Variants in NRXN1 observed in about 807,000 individuals in gnomAD.
NRXN1 encodes neurexin 1.
NRXN1 carries 39 observed loss-of-function variants against 150.9 expected under a neutral mutation model. That is an observed-to-expected ratio of 0.26 (90% CI 0.20 to 0.34). NRXN1 has a LOEUF of 0.34. NRXN1 is among the 10% of genes least tolerant of loss of function. The pLI, the probability that NRXN1 is intolerant of heterozygous loss-of-function variation, is 1.00. For synonymous variants in NRXN1, 924 were observed against 757.0 expected (o/e 1.22, Z -3.62); for missense variants, 1,815 against 1,949.9 (o/e 0.93, Z 1.30).
chr2:50,288,876 G>C (rs1164076341), intron 17 of NRXN1, among the ~76,000 whole-genome samples: 1 of 152,124 alleles, frequency 6.6e-6, no homozygotes, highest in Non-Finnish European at 1.5e-5. Context: ...CTAACTAGAA[G>C]AGATAGCTCC....
intron 18 of NRXN1, among the ~76,000 whole-genome samples, chr2:50,093,458 A>T (rs71407582): frequency 0.24 from 19,066 of 78,694 alleles, 1,442 homozygotes; most frequent in East Asian, 0.3. Context: ...CTTTACTATT[A>T]AAAAAAAAGA....
chr2:50,818,249 A>C (rs1320728760), intron 5 of NRXN1, among the ~76,000 whole-genome samples: 2 of 151,400 alleles, frequency 1.3e-5, no homozygotes, highest in Non-Finnish European at 2.9e-5. Context: ...ATTGCATTGA[A>C]TCTGCTGATT....
In NRXN1 at chr2:49,922,280, A is replaced by G. The variant is rs200696426; in HGVS notation, c.4217-29T>C. 20 of 1,596,416 alleles carry G rather than the reference A, an allele frequency of 1.3e-5. No individual in the cohort carries two copies. In the African/African-American group the frequency reaches 2.4e-4, roughly 19 times the overall value. On this transcript the variant is annotated intron_variant, in intron 22 of 22. Coordinates refer to ENST00000401669, the MANE Select transcript of NRXN1 (RefSeq NM_001330078.2). ...TAGAAAAGAGGATGAGAACAAACAC[A>G]AAGTGATCATTGAGTTCACTGAATA...
chr2:50,764,466 T>C (rs1350534414), intron 5 of NRXN1, among the ~76,000 whole-genome samples: 1 of 152,040 alleles, frequency 6.6e-6, no homozygotes, highest in African/African-American at 2.4e-5. Flanking sequence ...ACAGGGAAGG[T>C]GATAATGAGT....
At chr2:50,606,348 A>G (rs1254073861) in intron 8 of NRXN1, among the ~76,000 whole-genome samples, 1 of 151,944 alleles carries the variant, frequency 6.6e-6, no homozygotes, top group Non-Finnish European at 1.5e-5. Context: ...AGTCACAGAA[A>G]GATAAATACT....
At chr2:50,266,492 A>G (rs940307331) in intron 17 of NRXN1, among the ~76,000 whole-genome samples, 2 of 147,554 alleles carry the variant, frequency 1.4e-5, no homozygotes, top group African/African-American at 4.9e-5. Context: ...TATAATTTTT[A>G]TATATTTAGT....
intron 5 of NRXN1, among the ~76,000 whole-genome samples, chr2:50,653,887 A>G (rs527667563): frequency 9.4e-4 from 137 of 146,418 alleles, no homozygotes; most frequent in African/African-American, 3.3e-3. Context: ...TGTTTCCTTC[A>G]TTTTCTTTTG....
chr2:50,944,588 C>G (rs1420995904), intron 2 of NRXN1, among the ~76,000 whole-genome samples: 1 of 152,034 alleles, frequency 6.6e-6, no homozygotes, highest in Non-Finnish European at 1.5e-5. Flanking sequence ...TAAATCTTAA[C>G]ATATTTACCA....
intron 17 of NRXN1, among the ~76,000 whole-genome samples, chr2:50,270,713 A>C (rs1486743680): frequency 6.7e-6 from 1 of 149,806 alleles, no homozygotes; most frequent in African/African-American, 2.5e-5. Context: ...TTTGTTGCCC[A>C]GGCTGGAGTG....
chr2:50,031,562 C>A (rs1024612132), intron 21 of NRXN1, among the ~76,000 whole-genome samples: 3 of 152,050 alleles, frequency 2.0e-5, no homozygotes, highest in Non-Finnish European at 4.4e-5. Flanking sequence ...AATCTTTTAA[C>A]ATGATGAAGT....
chr2:50,091,731 C>T (rs985024577), intron 18 of NRXN1, among the ~76,000 whole-genome samples: 3 of 152,150 alleles, frequency 2.0e-5, no homozygotes, highest in Non-Finnish European at 4.4e-5. Context: ...GGAATTGAGC[C>T]GCCTTCTTCC....
chr2:50,139,350 A>G (rs1009072400), intron 18 of NRXN1, among the ~76,000 whole-genome samples: 4 of 150,016 alleles, frequency 2.7e-5, no homozygotes, highest in Non-Finnish European at 5.9e-5. Flanking sequence ...AAAAAAAGGT[A>G]CTGCATGGGC....
intron 5 of NRXN1, among the ~76,000 whole-genome samples, chr2:50,836,840 T>TAAAAAAAA (rs369557045): frequency 8.8e-6 from 1 of 114,094 alleles, no homozygotes; most frequent in Non-Finnish European, 1.9e-5. Flanking sequence ...ATCATAATTG[T>TAAAAAAAA]AAAAAAAAAA....
intron 18 of NRXN1, among the ~76,000 whole-genome samples, chr2:50,101,879 GC>G (rs1307470353): frequency 6.6e-6 from 1 of 151,988 alleles, no homozygotes; most frequent in Admixed American, 6.6e-5. Context: ...GTTTTCACAA[GC>G]CTCAAGAAGA....
chr2:50,998,545 G>A (rs767609558), intron 2 of NRXN1, among the ~76,000 whole-genome samples: 27 of 152,086 alleles, frequency 1.8e-4, no homozygotes, highest in Non-Finnish European at 2.4e-4. Context: ...TCTTCAAAAA[G>A]GAACTTTGGG....
At chr2:49,991,542 A>C (rs1001801608) in intron 21 of NRXN1, among the ~76,000 whole-genome samples, 8 of 152,204 alleles carry the variant, frequency 5.3e-5, no homozygotes, top group South Asian at 2.1e-4. Flanking sequence ...AAAAATAAGT[A>C]GTTTTCTTCT....
chr2:50,061,306 C>CA (rs772680385), intron 19 of NRXN1, among the ~76,000 whole-genome samples: 1 of 152,048 alleles, frequency 6.6e-6, no homozygotes, highest in African/African-American at 2.4e-5. Flanking sequence ...AGGTCAAAGG[C>CA]AAAAATAATT....
chr2:50,814,225 G>A (rs1373468742), intron 5 of NRXN1, among the ~76,000 whole-genome samples: 1 of 152,002 alleles, frequency 6.6e-6, no homozygotes, highest in African/African-American at 2.4e-5. Context: ...TTGAACTCCT[G>A]GCCTCAAGGA....
chr2:50,620,610 G>A lies in NRXN1; in HGVS notation c.1159-427C>T, dbSNP rs116645065. Among the ~76,000 whole-genome samples, 356 of 152,226 alleles carry A rather than the reference G, an allele frequency of 2.3e-3. 2 individuals carry two copies. The highest frequency in any genetic ancestry group is 4.0e-3 in the Non-Finnish European group (274 of 68,016). On this transcript the variant is annotated intron_variant, in intron 7 of 22. Coordinates refer to ENST00000401669, the MANE Select transcript of NRXN1 (RefSeq NM_001330078.2). ...CACCTTGTTAACATAAAAGGCGCAA[G>A]CTATTTCCAGCAACATCACTATTTG...
Sources: allele counts gnomAD v4.1 joint callset (sites outside exome capture counted in the v4.1 genomes callset), GRCh38; gene constraint gnomAD v4.1.1; transcripts MANE v1.5; gene names NCBI Gene and HGNC (gene_info 2026-07-23, HGNC 2026-07-21).